ADGRV1: variants seen among roughly 807,000 people sequenced by gnomAD.
The protein encoded by ADGRV1 is G-protein coupled receptor 98.
A neutral mutation model predicts 596.2 loss-of-function variants in ADGRV1; 359 were observed. That is an observed-to-expected ratio of 0.60 (90% CI 0.55 to 0.66). The LOEUF (loss-of-function observed/expected upper bound fraction) is 0.66, where lower values mean the gene tolerates loss of function less well. Ranked by LOEUF, ADGRV1 falls within the 30% of genes least tolerant of loss-of-function variation. The pLI is 0.00. For missense variants in ADGRV1, 7,274 were observed against 7,575.6 expected (o/e 0.96, Z 1.48); for synonymous variants, 2,681 against 2,679.2 (o/e 1.00, Z -0.02).
chr5:90,791,465 A>C, intron 70 of ADGRV1, 119 bp downstream of exon 70: 2 of 719,656 alleles, frequency 2.8e-6, no homozygotes, highest in Non-Finnish European at 4.5e-6. Flanking sequence ...CCACAAAAAA[A>C]TGCCCTCGAA....
At chr5:91,053,625 A>G (rs373186080) in intron 85 of ADGRV1, among the ~76,000 whole-genome samples, 1 of 152,210 alleles carries the variant, frequency 6.6e-6, no homozygotes, top group East Asian at 1.9e-4. Flanking sequence ...TCATTTTCAT[A>G]TTGTTAAAGT....
intron 1 of ADGRV1, among the ~76,000 whole-genome samples, chr5:90,569,377 ATATATATATATTTTTTTTT>A (rs1561302833): frequency 4.6e-5 from 1 of 21,728 alleles, no homozygotes; most frequent in African/African-American, 2.6e-4. Context: ...ATATATATAT[ATATATATATATTTTTTTTT>A]TTTTTTTTTT....
intron 1 of ADGRV1, among the ~76,000 whole-genome samples, chr5:90,595,454 T>C (rs1200455457): frequency 4.8e-4 from 16 of 33,274 alleles, no homozygotes; most frequent in Admixed American, 1.1e-3. Context: ...CCCCACCTCC[T>C]TCCCGGACGG....
intron 1 of ADGRV1, among the ~76,000 whole-genome samples, chr5:90,573,578 T>C (rs781656104): frequency 7.9e-5 from 12 of 152,174 alleles, no homozygotes; most frequent in Non-Finnish European, 1.6e-4. Flanking sequence ...AAATACAATA[T>C]TATAACCTTA....
chr5:90,966,979 G>A (rs908213796), intron 84 of ADGRV1, among the ~76,000 whole-genome samples: 2 of 152,138 alleles, frequency 1.3e-5, no homozygotes, highest in Non-Finnish European at 2.9e-5. Flanking sequence ...TGAAGAGGAA[G>A]GTTGTGGGAC....
intron 83 of ADGRV1, among the ~76,000 whole-genome samples, chr5:90,891,856 A>G (rs1415141562): frequency 1.3e-5 from 2 of 151,984 alleles, no homozygotes; most frequent in African/African-American, 4.8e-5. Flanking sequence ...AAGCAGTAAT[A>G]TATTTGTAAT....
intron 85 of ADGRV1, among the ~76,000 whole-genome samples, chr5:91,064,055 T>C (rs1355385068): frequency 6.6e-6 from 1 of 152,198 alleles, no homozygotes; most frequent in Non-Finnish European, 1.5e-5. Flanking sequence ...AAATGTTGAT[T>C]GGATTATGAT....
At chr5:91,067,553 T>C (rs1787993809) in intron 85 of ADGRV1, among the ~76,000 whole-genome samples, 1 of 152,214 alleles carries the variant, frequency 6.6e-6, no homozygotes, top group Non-Finnish European at 1.5e-5. Context: ...ACATTGCTTG[T>C]TTAATTTTTT....
chr5:90,559,034 G>C, intron 1 of ADGRV1, 117 bp downstream of exon 1: 1 of 901,518 alleles, frequency 1.1e-6, no homozygotes, highest in Non-Finnish European at 1.6e-6. Context: ...GCGGGCCACA[G>C]CCGGGCCCAG....
At position 90,930,942 on chromosome 5, in the gene ADGRV1, A is replaced by G. The variant is rs573702903; in HGVS notation, c.17857-34473A>G. Among the ~76,000 whole-genome samples, 4 of 152,316 alleles carry G rather than the reference A, an allele frequency of 2.6e-5. No homozygotes were observed. In the South Asian group the frequency reaches 8.3e-4, roughly 32 times the overall value. ...AGGAGAAACCTAACCAGAATATTTT[A>G]GTATGTTGCATCAGTGATAAGAAAA... On this transcript the variant is annotated intron_variant, in intron 83 of 89. Transcript: ENST00000405460.
chr5:90,567,846 T>C (rs1755849839), intron 1 of ADGRV1, among the ~76,000 whole-genome samples: 1 of 151,968 alleles, frequency 6.6e-6, no homozygotes, highest in South Asian at 2.1e-4. Flanking sequence ...TTCAAGCGAT[T>C]CTCCTGCCTC....
chr5:90,599,396 T>C (rs1325286814), intron 1 of ADGRV1, among the ~76,000 whole-genome samples: 1 of 152,228 alleles, frequency 6.6e-6, no homozygotes, highest in African/African-American at 2.4e-5. Context: ...AATTTTTAAA[T>C]GTTCTGATAG....
At chr5:90,895,769 G>C (rs1007160352) in intron 83 of ADGRV1, among the ~76,000 whole-genome samples, 1 of 152,174 alleles carries the variant, frequency 6.6e-6, no homozygotes, top group Admixed American at 6.5e-5. Context: ...CCTCCAGTTT[G>C]GGAGATACAG....
intron 83 of ADGRV1, among the ~76,000 whole-genome samples, chr5:90,868,134 G>T (rs1340989042): frequency 6.6e-6 from 1 of 152,028 alleles, no homozygotes; most frequent in Non-Finnish European, 1.5e-5. Context: ...GATCCTACTT[G>T]TTAAGTAAGG....
At chr5:90,702,165 G>C (rs1469509424) in intron 34 of ADGRV1, among the ~76,000 whole-genome samples, 1 of 151,746 alleles carries the variant, frequency 6.6e-6, no homozygotes, top group Non-Finnish European at 1.5e-5. Context: ...ACAATAGAGA[G>C]ACACCAGAGT....
chr5:91,082,654 T>C (rs1423359494), intron 86 of ADGRV1, among the ~76,000 whole-genome samples: 2 of 152,190 alleles, frequency 1.3e-5, no homozygotes, highest in African/African-American at 4.8e-5. Context: ...GTATAAAACT[T>C]GACTAGAGAG....
intron 75 of ADGRV1, among the ~76,000 whole-genome samples, chr5:90,820,896 G>A (rs1420634939): frequency 6.6e-6 from 1 of 151,936 alleles, no homozygotes; most frequent in Non-Finnish European, 1.5e-5. Context: ...TATGTGTCTT[G>A]GAGTTGCTCT....
intron 9 of ADGRV1, among the ~76,000 whole-genome samples, chr5:90,633,191 C>G (rs1044552237): frequency 3.9e-5 from 6 of 151,978 alleles, no homozygotes; most frequent in African/African-American, 1.2e-4. Context: ...AGATGGAACC[C>G]AGACAGACAA....
At chr5:91,139,412 C>T (rs541960939) in intron 87 of ADGRV1, among the ~76,000 whole-genome samples, 106 of 152,264 alleles carry the variant, frequency 7.0e-4, no homozygotes, top group Middle Eastern at 3.4e-3. Flanking sequence ...ATACAAAAAT[C>T]GGGTATCTCT....
Sources: gnomAD v4.1 joint callset for allele counts (sites outside exome capture counted in the v4.1 genomes callset) on GRCh38, gnomAD v4.1.1 for gene constraint, MANE v1.5 for transcripts, NCBI Gene and HGNC (gene_info 2026-07-23, HGNC 2026-07-21) for gene names.